The following C8orf89 variants were observed in gnomAD, a reference collection of about 807,000 sequenced individuals.
C8orf89 encodes putative uncharacterized protein C8orf89.
In C8orf89, 14 loss-of-function variants were observed where a neutral mutation model predicts 15.8. The ratio of observed to expected loss-of-function variants is 0.89; its 90% CI spans 0.59 to 1.39. The LOEUF (loss-of-function observed/expected upper bound fraction) is 1.39. Ranked by LOEUF, C8orf89 falls within the 40% of genes most tolerant of loss-of-function variation. C8orf89 has a pLI of 0.00. For synonymous variants in C8orf89, 55 were observed against 62.2 expected (o/e 0.88, Z 0.54); for missense variants, 181 against 184.5 (o/e 0.98, Z 0.11).
chr8:73,262,143 G>A (rs1377299887), upstream of C8orf89, among the ~76,000 whole-genome samples: 1 of 152,132 alleles, frequency 6.6e-6, no homozygotes, highest in Non-Finnish European at 1.5e-5. Flanking sequence ...AAAGAACTCA[G>A]AATCACGATC....
rs1813010420 is a variant in C8orf89 at position 73,241,686 on chromosome 8, A to G, written c.338-81T>C. 5.2e-6 allele frequency: 6 copies of G among 1,162,484 alleles called. No individual in the cohort carries two copies. The African/African-American group carries it at 7.7e-5, about 15-fold the overall frequency. The allele number at this position is 1,162,484 out of a possible 1,614,324, so 72.0% of individuals were successfully genotyped here. A position where few individuals can be genotyped will look rare whatever the true frequency, so the allele number is the denominator to read the frequency against. ...TATTCTATTAAATATAATGTGACTGAAATATTTCTTCCACAAATGACTATT... is the reference window on the plus strand; with the variant it reads ...TATTCTATTAAATATAATGTGACTGGAATATTTCTTCCACAAATGACTATT... On this transcript the variant is annotated intron_variant, in intron 3 of 3. Coordinates refer to ENST00000624510, the MANE Select transcript of C8orf89 (RefSeq NM_001243237.3).
the C8orf89 span, among the ~76,000 whole-genome samples, chr8:73,276,805 A>ATT: frequency 5.7e-3 from 496 of 87,598 alleles, 29 homozygotes; most frequent in Middle Eastern, 0.012. Context: ...CACAGCAGTC[A>ATT]TTTTTTTTTT....
chr8:73,253,822 G>C lies in C8orf89; in HGVS notation c.281+3151C>G, dbSNP rs1448657806. Among the ~76,000 whole-genome samples, 20 of 149,412 alleles carry C rather than the reference G, an allele frequency of 1.3e-4. 2 individuals carry two copies. The highest frequency in any genetic ancestry group is 4.8e-4 in the African/African-American group (19 of 39,200). On this transcript the variant is annotated intron_variant, in intron 2 of 3. Coordinates refer to ENST00000624510, the MANE Select transcript of C8orf89 (RefSeq NM_001243237.3). ...TGCTGAAGTTGCTTATCAGCTTAAG[G>C]AGATTTTGGGCTGAGATGAGGGGGT...
rs1813201155 is a variant in C8orf89 at position 73,249,501 on chromosome 8, T to TGTA, written c.337+766_337+767insTAC. Among the ~76,000 whole-genome samples the TGTA allele has an allele frequency of 2.6e-5, 4 of 152,174 alleles. No homozygotes were observed. The South Asian group carries it at 8.3e-4, about 31-fold the overall frequency. On this transcript the variant is annotated intron_variant, in intron 3 of 3. Coordinates refer to ENST00000624510, the MANE Select transcript of C8orf89 (RefSeq NM_001243237.3). ...TAGTTTCAGTGTGAATGGTACCAGC[T>TGTA]CTTTTTGTACATCTGGTAGAATTCA...
the C8orf89 span, chr8:73,277,756 A>G: frequency 1.3e-6 from 1 of 743,284 alleles, no homozygotes; most frequent in Non-Finnish European, 2.5e-6. Context: ...GGTTTTAGGG[A>G]GGACAGATCC....
chr8:73,277,392 G>C, the C8orf89 span: 3 of 1,140,104 alleles, frequency 2.6e-6, no homozygotes, highest in Non-Finnish European at 3.8e-6. Context: ...TCTGTGGTTT[G>C]ATCATCTTAG....
At chr8:73,278,054 T>C in the C8orf89 span, 40 of 470,648 alleles carry the variant, frequency 8.5e-5, no homozygotes, top group African/African-American at 7.7e-4. Context: ...CATTTCTGCC[T>C]CAGTCTCCAA....
At chr8:73,263,529 A>T (rs1309773475), upstream of C8orf89, among the ~76,000 whole-genome samples, 1 of 152,082 alleles carries the variant, frequency 6.6e-6, no homozygotes, top group Non-Finnish European at 1.5e-5. Flanking sequence ...ATAATAATAA[A>T]ATATTTCAAA....
intron 3 of C8orf89, among the ~76,000 whole-genome samples, chr8:73,246,609 C>A (rs1228104777): frequency 6.6e-6 from 1 of 152,196 alleles, no homozygotes; most frequent in Non-Finnish European, 1.5e-5. Context: ...AAACTCCTGA[C>A]CTCATGATCT....
intron 3 of C8orf89, among the ~76,000 whole-genome samples, chr8:73,242,495 A>G (rs2130239863): frequency 6.6e-6 from 1 of 152,290 alleles, no homozygotes; most frequent in Admixed American, 6.5e-5. Context: ...TAAATGGGCC[A>G]AAAGACCTGA....
At chr8:73,247,605 T>C (rs1409858327) in intron 3 of C8orf89, among the ~76,000 whole-genome samples, 3 of 152,196 alleles carry the variant, frequency 2.0e-5, no homozygotes, top group Non-Finnish European at 4.4e-5. Flanking sequence ...CCAGCATCTG[T>C]TATTTTTTTA....
the C8orf89 span, among the ~76,000 whole-genome samples, chr8:73,278,364 C>G: frequency 6.6e-6 from 1 of 152,204 alleles, no homozygotes; most frequent in African/African-American, 2.4e-5. Flanking sequence ...GACTCCTTCA[C>G]AATGCTTTTC....
chr8:73,281,572 A>C, the C8orf89 span, among the ~76,000 whole-genome samples: 5 of 152,238 alleles, frequency 3.3e-5, no homozygotes, highest in Admixed American at 2.6e-4. Flanking sequence ...AGCTACGTTC[A>C]AATTCTATGG....
chr8:73,261,276 A>G (rs966060435), upstream of C8orf89, among the ~76,000 whole-genome samples: 2 of 152,198 alleles, frequency 1.3e-5, no homozygotes, highest in African/African-American at 4.8e-5. Flanking sequence ...CATAAAAAGC[A>G]TGCCTTTCTC....
At chr8:73,259,538 C>T (rs1232820300), upstream of C8orf89, 13 of 1,046,646 alleles carry the variant, frequency 1.2e-5, no homozygotes, top group South Asian at 1.5e-4. Flanking sequence ...AAACAAGGCA[C>T]GTCCGAGACA....
chr8:73,272,535 G>A, the C8orf89 span, among the ~76,000 whole-genome samples: 134 of 151,906 alleles, frequency 8.8e-4, 1 homozygote, highest in Non-Finnish European at 1.6e-3. Context: ...TACATGTGCC[G>A]TGTTGGTGTG....
chr8:73,260,903 T>A (rs934106240), upstream of C8orf89, among the ~76,000 whole-genome samples: 21 of 152,218 alleles, frequency 1.4e-4, no homozygotes, highest in Admixed American at 9.2e-4. Flanking sequence ...TCTAATCAGC[T>A]GCCAGTGTAG....
rs1472229708 is a variant in C8orf89, at chr8:73,241,486, T to C, written c.457A>G (p.Ser153Gly). Reference sequence around the variant, plus strand: ...CGGTCTCGGAGGTCTCGTTTCTTGCTTTTTTTTGATTTTGTGGTTGTTTCC... The same window carrying C: ...CGGTCTCGGAGGTCTCGTTTCTTGCCTTTTTTTGATTTTGTGGTTGTTTCC... ...RQETTTKSKK[S>G]KKRDLRDR Residue 153 changes from serine (S) to glycine (G), a missense_variant, in exon 4 of 4, where the codon AGC becomes GGC. Ser to Gly is a moderately conservative substitution (Grantham distance 56, BLOSUM62 0). Coordinates refer to ENST00000624510, the MANE Select transcript of C8orf89 (RefSeq NM_001243237.3). The C allele has an allele frequency of 1.3e-6, 2 of 1,511,736 alleles. No individual in the cohort carries two copies. The highest frequency in any genetic ancestry group is 1.4e-5 in the African/African-American group (1 of 72,280). The allele number at this position is 1,511,736 out of a possible 1,614,324, so 93.6% of individuals were successfully genotyped here.
At chr8:73,277,657 C>T in the C8orf89 span, 2 of 757,498 alleles carry the variant, frequency 2.6e-6, no homozygotes, top group South Asian at 2.7e-5. Flanking sequence ...GAAGGTTTCT[C>T]TTTTAAAATA....
Sources: allele counts gnomAD v4.1 joint callset (sites outside exome capture counted in the v4.1 genomes callset), GRCh38; gene constraint gnomAD v4.1.1; transcripts MANE v1.5; gene names NCBI Gene and HGNC (gene_info 2026-07-23, HGNC 2026-07-21).